LYZL4: variants seen among roughly 807,000 people sequenced by gnomAD.
The protein encoded by LYZL4 is lysozyme like 4, also known as lysozyme-like protein 4.
Under a neutral mutation model 17.6 loss-of-function variants are expected in LYZL4, and 13 were observed. The ratio of observed to expected loss-of-function variants is 0.74; its 90% CI spans 0.48 to 1.18. LYZL4 has a LOEUF of 1.18. Among genes scored for constraint, LYZL4 ranks in the 50% most tolerant of loss-of-function variants. The pLI is 0.00. For missense variants in LYZL4, 174 were observed against 188.2 expected (o/e 0.92, Z 0.44); for synonymous variants, 64 against 67.7 (o/e 0.95, Z 0.27).
the LYZL4 span, among the ~76,000 whole-genome samples, chr3:42,380,271 CT>C: frequency 1.3e-5 from 2 of 152,312 alleles, no homozygotes; most frequent in South Asian, 4.1e-4. Flanking sequence ...GTTTACTGCC[CT>C]GTTTTATAGA....
chr3:42,401,613 C>A (rs760846751), intron 4 of LYZL4, among the ~76,000 whole-genome samples: 2 of 151,876 alleles, frequency 1.3e-5, no homozygotes, highest in Non-Finnish European at 2.9e-5. Context: ...CCAGATATGA[C>A]CTTTGGAAAA....
the LYZL4 span, among the ~76,000 whole-genome samples, chr3:42,376,958 A>G: frequency 1.3e-5 from 2 of 152,244 alleles, no homozygotes; most frequent in South Asian, 2.1e-4. Context: ...TAAATCATTC[A>G]GCAAAAGCAA....
At chr3:42,368,125 T>A in the LYZL4 span, among the ~76,000 whole-genome samples, 1 of 152,142 alleles carries the variant, frequency 6.6e-6, no homozygotes, top group Non-Finnish European at 1.5e-5. Flanking sequence ...TTCCAGACAC[T>A]CTTTCTTAAC....
At chr3:42,368,406 A>G in the LYZL4 span, among the ~76,000 whole-genome samples, 1 of 152,176 alleles carries the variant, frequency 6.6e-6, no homozygotes, top group Non-Finnish European at 1.5e-5. Flanking sequence ...ATGGGCTGAG[A>G]ACGTTTTAGA....
the LYZL4 span, among the ~76,000 whole-genome samples, chr3:42,363,731 C>T: frequency 6.6e-6 from 1 of 152,062 alleles, no homozygotes; most frequent in Non-Finnish European, 1.5e-5. Flanking sequence ...GAAGGGCGGA[C>T]AGAAAAAGCA....
the LYZL4 span, among the ~76,000 whole-genome samples, chr3:42,372,863 G>A: frequency 6.6e-6 from 1 of 152,174 alleles, no homozygotes; most frequent in African/African-American, 2.4e-5. Flanking sequence ...AGGGTCCAAA[G>A]CTCATCAGGA....
At chr3:42,394,229 A>C (rs943092613), downstream of LYZL4, among the ~76,000 whole-genome samples, 2 of 152,216 alleles carry the variant, frequency 1.3e-5, no homozygotes, top group African/African-American at 4.8e-5. Context: ...CACGATGACC[A>C]TTGTCCTGCA....
Position 42,397,298 on chromosome 3 carries a change from G to C in LYZL4, c.408C>G (p.Thr136=). Residue 136 remains threonine (T), a synonymous_variant, in exon 5 of 5, where the codon ACC becomes ACG. Coordinates refer to ENST00000287748, the MANE Select transcript of LYZL4 (RefSeq NM_144634.4). The part of the protein sequence containing the change: ...TWSRYCQYSD[T]LARWLDGCKL ...TGCAACCATCCAGCCACCGTGCCAG[G>C]GTATCGGAGTACTGGCAGTACCGGG... 1 of 1,572,412 alleles carries C rather than the reference G, an allele frequency of 6.4e-7. No individual in the cohort carries two copies. Among genetic ancestry groups the C allele is most frequent in the African/African-American group, 1.4e-5 (1 of 73,916 alleles).
At chr3:42,364,397 CAG>C in the LYZL4 span, among the ~76,000 whole-genome samples, 1 of 139,032 alleles carries the variant, frequency 7.2e-6, no homozygotes, top group African/African-American at 2.8e-5. Context: ...GGCTGGAGTG[CAG>C]TGGCACGATC....
At chr3:42,396,527 AG>A (rs1698551142), downstream of LYZL4, among the ~76,000 whole-genome samples, 1 of 152,252 alleles carries the variant, frequency 6.6e-6, no homozygotes, top group Admixed American at 6.5e-5. Context: ...CTAAAAAGTC[AG>A]ATGCAAAACT....
the LYZL4 span, among the ~76,000 whole-genome samples, chr3:42,384,457 C>T: frequency 5.3e-5 from 8 of 152,054 alleles, no homozygotes; most frequent in South Asian, 1.7e-3. Flanking sequence ...GGTGAAGAGA[C>T]CAGTGAAGAC....
downstream of LYZL4, among the ~76,000 whole-genome samples, chr3:42,392,971 C>T (rs564318725): frequency 6.6e-4 from 100 of 152,090 alleles, no homozygotes; most frequent in African/African-American, 2.3e-3. Flanking sequence ...GGTGACTTGC[C>T]TAAATAAATA....
the LYZL4 span, among the ~76,000 whole-genome samples, chr3:42,363,268 C>T: frequency 6.6e-6 from 1 of 152,014 alleles, no homozygotes; most frequent in Non-Finnish European, 1.5e-5. Flanking sequence ...TTTTGGGGAA[C>T]AGTTGGGGAA....
At chr3:42,372,923 A>G in the LYZL4 span, among the ~76,000 whole-genome samples, 1 of 152,128 alleles carries the variant, frequency 6.6e-6, no homozygotes, top group East Asian at 1.9e-4. Flanking sequence ...ATTAGGATGC[A>G]TGGCTGGGTG....
the LYZL4 span, among the ~76,000 whole-genome samples, chr3:42,369,302 A>G: frequency 2.6e-5 from 4 of 152,234 alleles, no homozygotes; most frequent in Non-Finnish European, 5.9e-5. Flanking sequence ...GCATCAGAAC[A>G]ATGTCTGGTT....
chr3:42,393,448 A>G (rs1698515368), downstream of LYZL4, among the ~76,000 whole-genome samples: 2 of 152,210 alleles, frequency 1.3e-5, no homozygotes, highest in African/African-American at 4.8e-5. Context: ...CGAAGGGCCC[A>G]GAAATCAGAA....
chr3:42,396,532 C>A (rs537121165), downstream of LYZL4, among the ~76,000 whole-genome samples: 84 of 152,228 alleles, frequency 5.5e-4, no homozygotes, highest in South Asian at 0.017. Context: ...AAGTCAGATG[C>A]AAAACTCTCT....
At position 42,398,874 on chromosome 3, in the gene LYZL4, C is replaced by A. The variant is rs1044430143; in HGVS notation, c.372-1540G>T. On this transcript the variant is annotated intron_variant, in intron 4 of 4. Coordinates refer to ENST00000287748, the MANE Select transcript of LYZL4 (RefSeq NM_144634.4). ...TGATTCTGTGAATCTGTGAAACTCT[C>A]GTAGGATAAAAATACCATAAAATCA... 2.6e-5 allele frequency among the ~76,000 whole-genome samples: 4 copies of A among 151,958 alleles called. No homozygotes were observed. In the East Asian group the frequency reaches 7.7e-4, roughly 29 times the overall value.
rs749134617 is a variant in LYZL4, at chr3:42,407,285, T to A, written c.-34A>T. ...GGCTCCTGGCAGGTCAGGGCAACGGTGGCCAGATGAGTGGGTGGAGTCACA... is the reference window on the plus strand; with the variant it reads ...GGCTCCTGGCAGGTCAGGGCAACGGAGGCCAGATGAGTGGGTGGAGTCACA... On this transcript the variant is annotated 5_prime_UTR_variant, in exon 2 of 5. Transcript: ENST00000287748. 6.2e-7 allele frequency: 1 copy of A among 1,612,810 alleles called. No individual in the cohort carries two copies. Among genetic ancestry groups the A allele is most frequent in the East Asian group, 2.2e-5 (1 of 44,848 alleles).
Sources: allele counts gnomAD v4.1 joint callset (sites outside exome capture counted in the v4.1 genomes callset), GRCh38; gene constraint gnomAD v4.1.1; transcripts MANE v1.5; gene names NCBI Gene and HGNC (gene_info 2026-07-23, HGNC 2026-07-21).